The following RNF216 variants were observed in gnomAD, a reference collection of about 807,000 sequenced individuals.
RNF216 encodes ring finger protein 216, also known as E3 ubiquitin-protein ligase RNF216.
Under a neutral mutation model 110.8 loss-of-function variants are expected in RNF216, and 72 were observed. That is an observed-to-expected ratio of 0.65 (90% CI 0.54 to 0.79). The LOEUF is 0.79. RNF216 is among the 30% of genes least tolerant of loss of function. The probability of loss-of-function intolerance (pLI) is 0.00; values close to 1 mark genes in which losing one functional copy is unlikely to be tolerated. For missense variants in RNF216, 1,342 were observed against 1,141.2 expected, an observed-to-expected ratio of 1.18 and a Z score of -2.54; for synonymous variants, 495 against 407.5, an observed-to-expected ratio of 1.21 and a Z score of -2.59.
chr7:5,726,270 G>C (rs1250186919), intron 7 of RNF216, among the ~76,000 whole-genome samples: 9 of 152,016 alleles, frequency 5.9e-5, no homozygotes, highest in Admixed American at 1.3e-4. Context: ...AGGAGACCCT[G>C]TCTCAAACAA....
rs576532441 is a variant in RNF216 at position 5,735,535 on chromosome 7, AC to A, written c.1121+3740del. Among the ~76,000 whole-genome samples, 778 of 152,370 alleles carry A rather than the reference AC, an allele frequency of 5.1e-3. 5 individuals are homozygous for A. Among genetic ancestry groups the A allele is most frequent in the African/African-American group, 0.018 (736 of 41,592 alleles). On this transcript the variant is annotated intron_variant, in intron 5 of 16. Transcript: ENST00000389902. ...AAAATTTCATAACTGAAAACCAGTA[AC>A]ACGGTAGATGAGTTAAAAGGAGATT...
intron 15 of RNF216, among the ~76,000 whole-genome samples, chr7:5,638,855 A>C (rs1787561969): frequency 6.6e-6 from 1 of 152,062 alleles, no homozygotes; most frequent in Non-Finnish European, 1.5e-5. Flanking sequence ...GGCTGTTCTT[A>C]AACTCCAGGA....
At chr7:5,747,261 A>G (rs1027419586) in intron 3 of RNF216, among the ~76,000 whole-genome samples, 1 of 152,246 alleles carries the variant, frequency 6.6e-6, no homozygotes, top group South Asian at 2.1e-4. Context: ...ACTTTCAGAC[A>G]TTTTTTAAAG....
At chr7:5,633,675 A>C (rs1246783116) in intron 15 of RNF216, among the ~76,000 whole-genome samples, 1 of 152,194 alleles carries the variant, frequency 6.6e-6, no homozygotes, top group Non-Finnish European at 1.5e-5. Flanking sequence ...CTTTGAGCTC[A>C]GCAGGGCGCA....
At chr7:5,632,731 C>G (rs536471980) in intron 15 of RNF216, among the ~76,000 whole-genome samples, 1 of 152,088 alleles carries the variant, frequency 6.6e-6, no homozygotes, top group Non-Finnish European at 1.5e-5. Context: ...GAGCCAAGAT[C>G]ACGCGACTGC....
chr7:5,648,175 C>G (rs182611363), intron 14 of RNF216, among the ~76,000 whole-genome samples: 1 of 151,522 alleles, frequency 6.6e-6, no homozygotes, highest in African/African-American at 2.4e-5. Flanking sequence ...GGCGTGATCT[C>G]GGCTCACCAT....
chr7:5,635,486 T>C (rs1236787718), intron 15 of RNF216, among the ~76,000 whole-genome samples: 1 of 152,072 alleles, frequency 6.6e-6, no homozygotes, highest in African/African-American at 2.4e-5. Context: ...TAAAATACCT[T>C]TCCTTACCAG....
intron 1 of RNF216, among the ~76,000 whole-genome samples, chr7:5,772,032 G>A (rs1796526063): frequency 6.6e-6 from 1 of 152,260 alleles, no homozygotes; most frequent in Non-Finnish European, 1.5e-5. Flanking sequence ...TCAGGAGTTC[G>A]AGACCAGCCT....
chr7:5,657,355 G>A (rs1323260845), intron 13 of RNF216, among the ~76,000 whole-genome samples: 1 of 152,158 alleles, frequency 6.6e-6, no homozygotes, highest in Non-Finnish European at 1.5e-5. Context: ...ATCACCTGAG[G>A]TTGGGAGTTC....
intron 15 of RNF216, among the ~76,000 whole-genome samples, chr7:5,636,960 G>A (rs1787433514): frequency 6.6e-6 from 1 of 152,114 alleles, no homozygotes; most frequent in African/African-American, 2.4e-5. Flanking sequence ...CACAGAACGA[G>A]GAGGAGAAGA....
At chr7:5,748,498 T>C (rs1010659315) in intron 3 of RNF216, among the ~76,000 whole-genome samples, 6 of 152,182 alleles carry the variant, frequency 3.9e-5, no homozygotes, top group African/African-American at 1.2e-4. Context: ...GGCCTTGGCC[T>C]CCCAAAGTGC....
chr7:5,674,202 G>C (rs983635265), intron 13 of RNF216, among the ~76,000 whole-genome samples: 2 of 151,906 alleles, frequency 1.3e-5, no homozygotes, highest in African/African-American at 2.4e-5. Context: ...GCTAATTTTT[G>C]TATTTTTAGT....
In RNF216 at chr7:5,693,336, C is replaced by T. The variant is rs142265338; in HGVS notation, c.2061+18425G>A. On this transcript the variant is annotated intron_variant, in intron 13 of 16. Coordinates refer to ENST00000389902, the MANE Select transcript of RNF216 (RefSeq NM_207111.4). ...TTTTACAGAAAAAGTCTGCTGACCCCTGGTATGGATGTTTACAGAAAAAGT... is the reference window on the plus strand; with the variant it reads ...TTTTACAGAAAAAGTCTGCTGACCCTTGGTATGGATGTTTACAGAAAAAGT... Among the ~76,000 whole-genome samples, 13 of 152,276 alleles carry T rather than the reference C, an allele frequency of 8.5e-5. 1 individual carries two copies. The East Asian group carries it at 2.5e-3, about 29-fold the overall frequency.
chr7:5,697,803 GAGGGTGAA>G (rs1791721972), intron 13 of RNF216, among the ~76,000 whole-genome samples: 1 of 152,216 alleles, frequency 6.6e-6, no homozygotes, highest in African/African-American at 2.4e-5. Flanking sequence ...TGCTGGCCTT[GAGGGTGAA>G]AAGTAGGTTT....
chr7:5,703,987 C>T (rs1198789675), intron 13 of RNF216, among the ~76,000 whole-genome samples: 1 of 152,216 alleles, frequency 6.6e-6, no homozygotes, highest in Admixed American at 6.5e-5. Context: ...ACTCTTCAGT[C>T]TCACACCAAA....
intron 13 of RNF216, 62 bp downstream of exon 13, chr7:5,711,699 C>A: frequency 7.3e-7 from 1 of 1,360,670 alleles, no homozygotes; most frequent in East Asian, 2.4e-5. Context: ...ATATTTGGGC[C>A]ATGAGGGCAG....
At chr7:5,644,189 G>C (rs1459785357) in intron 14 of RNF216, among the ~76,000 whole-genome samples, 2 of 152,034 alleles carry the variant, frequency 1.3e-5, no homozygotes, top group Non-Finnish European at 2.9e-5. Context: ...ACTTATGTTG[G>C]GTGAGTACCT....
chr7:5,685,501 T>G (rs976936515), intron 13 of RNF216, among the ~76,000 whole-genome samples: 3 of 152,182 alleles, frequency 2.0e-5, no homozygotes, highest in African/African-American at 4.8e-5. Flanking sequence ...CACTAAACAT[T>G]ACAACTTTGA....
intron 1 of RNF216, among the ~76,000 whole-genome samples, chr7:5,766,739 G>A (rs1427795509): frequency 2.6e-5 from 4 of 152,204 alleles, no homozygotes; most frequent in South Asian, 2.1e-4. Context: ...TGGAATTACA[G>A]AAACAACACA....
Sources: gnomAD v4.1 joint callset for allele counts (sites outside exome capture counted in the v4.1 genomes callset) on GRCh38, gnomAD v4.1.1 for gene constraint, MANE v1.5 for transcripts, NCBI Gene and HGNC (gene_info 2026-07-23, HGNC 2026-07-21) for gene names.